CCDC170: variants seen among roughly 807,000 people sequenced by gnomAD.
The protein encoded by CCDC170 is coiled-coil domain-containing protein 170.
CCDC170 carries 69 observed loss-of-function variants against 72.6 expected under a neutral mutation model. The observed-to-expected ratio is 0.95, with a 90% CI of 0.78 to 1.16. The LOEUF is 1.16. Among genes scored for constraint, CCDC170 ranks in the 50% most tolerant of loss-of-function variants. The pLI is 0.00. For missense variants in CCDC170, 852 were observed against 832.5 expected (o/e 1.02, Z -0.29); for synonymous variants, 300 against 303.9 (o/e 0.99, Z 0.13).
intron 1 of CCDC170, among the ~76,000 whole-genome samples, chr6:151,523,009 G>T (rs1477572911): frequency 6.6e-6 from 1 of 152,100 alleles, no homozygotes; most frequent in East Asian, 1.9e-4. Flanking sequence ...CCTCTCTTGG[G>T]GTCTGGAATG....
At chr6:151,549,321 C>G (rs1371638642) in intron 5 of CCDC170, among the ~76,000 whole-genome samples, 1 of 151,752 alleles carries the variant, frequency 6.6e-6, no homozygotes, top group African/African-American at 2.4e-5. Context: ...CAGGTGTGAG[C>G]CACTGTGCCT....
At chr6:151,518,373 T>C (rs1782266957) in intron 1 of CCDC170, among the ~76,000 whole-genome samples, 1 of 152,050 alleles carries the variant, frequency 6.6e-6, no homozygotes, top group South Asian at 2.1e-4. Context: ...GACTGTCAAG[T>C]CAATCAAATG....
At chr6:151,534,932 A>G (rs1292615108) in intron 1 of CCDC170, among the ~76,000 whole-genome samples, 1 of 152,204 alleles carries the variant, frequency 6.6e-6, no homozygotes, top group Non-Finnish European at 1.5e-5. Flanking sequence ...TATTCCTTCA[A>G]AAATGAATGG....
intron 9 of CCDC170, among the ~76,000 whole-genome samples, chr6:151,613,504 C>T (rs1776908404): frequency 6.6e-6 from 1 of 152,192 alleles, no homozygotes; most frequent in African/African-American, 2.4e-5. Flanking sequence ...AAGAGAAACC[C>T]TGTACCCATA....
At chr6:151,540,726 G>A (rs1205520600) in intron 3 of CCDC170, among the ~76,000 whole-genome samples, 1 of 151,844 alleles carries the variant, frequency 6.6e-6, no homozygotes, top group East Asian at 1.9e-4. Context: ...CATTCACGAG[G>A]TCTCCTCTCT....
intron 8 of CCDC170, among the ~76,000 whole-genome samples, chr6:151,595,725 G>A (rs866070092): frequency 6.6e-6 from 1 of 152,112 alleles, no homozygotes; most frequent in South Asian, 2.1e-4. Flanking sequence ...GCTGAGAGGT[G>A]GAAGGATTGC....
intron 2 of CCDC170, among the ~76,000 whole-genome samples, chr6:151,537,519 G>T (rs972020363): frequency 6.6e-6 from 1 of 152,002 alleles, no homozygotes; most frequent in Non-Finnish European, 1.5e-5. Flanking sequence ...TCCTATAAGG[G>T]TTTTTCTTTT....
At chr6:151,607,320 T>C (rs1420737008) in intron 9 of CCDC170, among the ~76,000 whole-genome samples, 1 of 152,210 alleles carries the variant, frequency 6.6e-6, no homozygotes, top group Non-Finnish European at 1.5e-5. Context: ...TCCTTTCATT[T>C]TGGTAATTGT....
intron 10 of CCDC170, chr6:151,615,978 C>A: frequency 7.7e-6 from 2 of 260,896 alleles, no homozygotes; most frequent in East Asian, 8.0e-5. Context: ...CAAGTAACCA[C>A]TATGATTTAC....
At chr6:151,556,468 A>T (rs552916685) in intron 5 of CCDC170, among the ~76,000 whole-genome samples, 2 of 152,340 alleles carry the variant, frequency 1.3e-5, no homozygotes, top group South Asian at 2.1e-4. Context: ...ACAAAATCAA[A>T]CAAACAAACA....
chr6:151,576,495 G>A (rs928231785), intron 6 of CCDC170, among the ~76,000 whole-genome samples: 12 of 151,790 alleles, frequency 7.9e-5, no homozygotes, highest in South Asian at 4.2e-4. Flanking sequence ...CAAACAAGGC[G>A]CATAATTATC....
intron 5 of CCDC170, among the ~76,000 whole-genome samples, chr6:151,563,319 G>A (rs115533475): frequency 0.015 from 2,343 of 152,260 alleles, 69 homozygotes; most frequent in African/African-American, 0.053. Flanking sequence ...GGAGATGACC[G>A]CTCTCTACAT....
chr6:151,498,171 A>G (rs1457752648), intron 1 of CCDC170, among the ~76,000 whole-genome samples: 1 of 152,098 alleles, frequency 6.6e-6, no homozygotes, highest in East Asian at 1.9e-4. Context: ...GCTCCAGTAG[A>G]TACCATTGTT....
At chr6:151,501,566 T>G (rs1781995563) in intron 1 of CCDC170, among the ~76,000 whole-genome samples, 2 of 152,232 alleles carry the variant, frequency 1.3e-5, no homozygotes, top group Admixed American at 1.3e-4. Context: ...CAACTTCATT[T>G]TAGCTTTAAC....
At chr6:151,529,762 G>T (rs1162903806) in intron 1 of CCDC170, among the ~76,000 whole-genome samples, 1 of 152,190 alleles carries the variant, frequency 6.6e-6, no homozygotes, top group African/African-American at 2.4e-5. Flanking sequence ...GAGTGGAGCG[G>T]CAGTGTCTTA....
In CCDC170 at chr6:151,620,354, T is replaced by G. The variant is rs1256512901; in HGVS notation, c.*2207T>G. The stretch of plus-strand genomic sequence containing the variant: ...TCCCTGCCTAGCTATCTCCTTCATG[T>G]GCAAGGACAGTATAAGTAGTATTTT... On this transcript the variant is annotated 3_prime_UTR_variant, in exon 11 of 11. Coordinates refer to ENST00000239374, the MANE Select transcript of CCDC170 (RefSeq NM_025059.4). The G allele has an allele frequency of 1.3e-5, 2 of 152,240 alleles. No individual in the cohort carries two copies. The highest frequency in any genetic ancestry group is 6.5e-5 in the Admixed American group (1 of 15,282). 9.4% of individuals were successfully genotyped at this position (152,240 alleles called of 1,614,324 possible).
chr6:151,574,780 A>G (rs1161779346), intron 6 of CCDC170, among the ~76,000 whole-genome samples: 1 of 152,224 alleles, frequency 6.6e-6, no homozygotes, highest in African/African-American at 2.4e-5. Context: ...CTGTAATGGT[A>G]TCTGGCCGAT....
At position 151,528,303 on chromosome 6, in the gene CCDC170, G is replaced by A. The variant is rs903271249; in HGVS notation, c.58-8015G>A. ...GGGAAGATTGTTTGATACAGGAAAA[G>A]TTGAAGAATTTTCAGAAAATTTTAT... On this transcript the variant is annotated intron_variant, in intron 1 of 10. Coordinates refer to ENST00000239374, the MANE Select transcript of CCDC170 (RefSeq NM_025059.4). Among the ~76,000 whole-genome samples, 8 of 152,242 alleles carry A rather than the reference G, an allele frequency of 5.3e-5. 1 individual carries two copies. In the South Asian group the frequency reaches 1.5e-3, roughly 28 times the overall value.
rs530255670 is a variant in CCDC170, at chr6:151,554,554, A to G, written c.774+6065A>G. 5.9e-5 allele frequency among the ~76,000 whole-genome samples: 9 copies of G among 152,164 alleles called. 1 individual carries two copies. The South Asian group carries it at 1.9e-3, about 32-fold the overall frequency. ...AGCCTGACCAACACGGCAAAACCCC[A>G]TCTCTACTAAAAATACAAAAATTAG... is the stretch of plus-strand genomic sequence containing the variant. On this transcript the variant is annotated intron_variant, in intron 5 of 10. Coordinates refer to ENST00000239374, the MANE Select transcript of CCDC170 (RefSeq NM_025059.4).
Sources: allele counts gnomAD v4.1 joint callset (sites outside exome capture counted in the v4.1 genomes callset), GRCh38; gene constraint gnomAD v4.1.1; transcripts MANE v1.5; gene names NCBI Gene and HGNC (gene_info 2026-07-23, HGNC 2026-07-21).